CDH13: variants seen among roughly 807,000 people sequenced by gnomAD.
The protein encoded by CDH13 is cadherin 13.
CDH13 carries 24 observed loss-of-function variants against 63.8 expected under a neutral mutation model. The ratio of observed to expected loss-of-function variants is 0.38; its 90% confidence interval spans 0.27 to 0.53. CDH13 has a LOEUF of 0.53. Ranked by LOEUF, CDH13 falls within the 20% of genes least tolerant of loss-of-function variation. CDH13 has a pLI of 0.85. For synonymous variants in CDH13, 503 were observed against 355.3 expected, an observed-to-expected ratio of 1.42 and a Z score of -4.67; for missense variants, 1,049 against 903.1, an observed-to-expected ratio of 1.16 and a Z score of -2.07.
intron 1 of CDH13, among the ~76,000 whole-genome samples, chr16:82,709,984 C>T (rs2031784947): frequency 6.6e-6 from 1 of 151,868 alleles, no homozygotes; most frequent in African/African-American, 2.4e-5. Context: ...GTCAGACCAT[C>T]TTCTGGGCTT....
intron 3 of CDH13, among the ~76,000 whole-genome samples, chr16:83,056,920 C>G (rs147629464): frequency 6.6e-6 from 1 of 152,196 alleles, no homozygotes; most frequent in East Asian, 1.9e-4. Flanking sequence ...GAGTCCTCCC[C>G]GGCTATGTGG....
intron 6 of CDH13, among the ~76,000 whole-genome samples, chr16:83,427,314 A>G (rs2071942011): frequency 6.6e-6 from 1 of 152,144 alleles, no homozygotes; most frequent in Non-Finnish European, 1.5e-5. Flanking sequence ...TAGACCCAAT[A>G]GAATCAGAAG....
intron 5 of CDH13, among the ~76,000 whole-genome samples, chr16:83,344,116 C>G (rs1429430711): frequency 1.3e-5 from 2 of 152,214 alleles, no homozygotes; most frequent in Non-Finnish European, 2.9e-5. Context: ...AAGTATTACT[C>G]TTATCGCTGA....
At chr16:83,313,946 G>A (rs940368952) in intron 5 of CDH13, among the ~76,000 whole-genome samples, 22 of 152,118 alleles carry the variant, frequency 1.4e-4, no homozygotes, top group African/African-American at 5.1e-4. Flanking sequence ...ATGTTTTTCA[G>A]TTCATTTGTC....
intron 2 of CDH13, among the ~76,000 whole-genome samples, chr16:82,913,059 T>C (rs757038205): frequency 5.3e-5 from 8 of 152,166 alleles, no homozygotes; most frequent in Non-Finnish European, 8.8e-5. Context: ...GGGAATGGGA[T>C]TGGGAATCTC....
intron 2 of CDH13, among the ~76,000 whole-genome samples, chr16:82,900,827 C>G (rs9646331): frequency 0.14 from 21,316 of 152,184 alleles, 1,634 homozygotes; most frequent in African/African-American, 0.19. Flanking sequence ...GGGTAAATGC[C>G]AAGAAATTCT....
chr16:83,215,838 C>G (rs1305027545), intron 4 of CDH13, among the ~76,000 whole-genome samples: 1 of 152,036 alleles, frequency 6.6e-6, no homozygotes, highest in Admixed American at 6.6e-5. Context: ...GTGTTCATGA[C>G]CTTTCAATTG....
At chr16:83,304,950 A>C (rs1323114872) in intron 5 of CDH13, among the ~76,000 whole-genome samples, 1 of 152,148 alleles carries the variant, frequency 6.6e-6, no homozygotes, top group Non-Finnish European at 1.5e-5. Context: ...CCCACTTTTC[A>C]TATTTTACAA....
intron 2 of CDH13, among the ~76,000 whole-genome samples, chr16:82,937,336 C>T (rs564334476): frequency 2.5e-4 from 38 of 152,014 alleles, no homozygotes; most frequent in Admixed American, 1.2e-3. Context: ...GGAGGTTGGG[C>T]GAGGCAATCT....
chr16:83,040,422 G>T (rs1424245223), intron 3 of CDH13, among the ~76,000 whole-genome samples: 1 of 152,174 alleles, frequency 6.6e-6, no homozygotes, highest in African/African-American at 2.4e-5. Context: ...GGAAGGTGAT[G>T]GTGCAGCCTT....
intron 3 of CDH13, among the ~76,000 whole-genome samples, chr16:83,122,936 C>T (rs779568758): frequency 1.3e-5 from 2 of 152,110 alleles, no homozygotes; most frequent in Non-Finnish European, 2.9e-5. Flanking sequence ...TCCCACCCTC[C>T]CACTTTCCGA....
chr16:82,874,313 T>A (rs1258642808), intron 2 of CDH13, among the ~76,000 whole-genome samples: 1 of 152,168 alleles, frequency 6.6e-6, no homozygotes, highest in Non-Finnish European at 1.5e-5. Context: ...TTGCAAACCT[T>A]AGTCGTGCTA....
chr16:82,839,986 T>C (rs1026076572), intron 1 of CDH13, among the ~76,000 whole-genome samples: 2 of 152,184 alleles, frequency 1.3e-5, no homozygotes, highest in Admixed American at 6.5e-5. Context: ...TTTCAAGTAA[T>C]TGAACTTCTG....
Position 83,515,558 on chromosome 16 carries a change from A to C in CDH13, c.960+28903A>C, listed in dbSNP as rs76752386. On this transcript the variant is annotated intron_variant, in intron 7 of 13. Coordinates refer to ENST00000567109, the MANE Select transcript of CDH13 (RefSeq NM_001257.5). ...TAGAAAAAGATACTGGTTTAGATTC[A>C]CTGGGGTGATTGACTAGAAAATTGC... is the stretch of plus-strand genomic sequence containing the variant. Among the ~76,000 whole-genome samples, 462 of 152,310 alleles carry C rather than the reference A, an allele frequency of 3.0e-3. 1 individual carries two copies. The highest frequency in any genetic ancestry group is 0.011 in the African/African-American group (448 of 41,576).
chr16:83,163,048 C>T (rs1292698677), intron 4 of CDH13, among the ~76,000 whole-genome samples: 3 of 152,052 alleles, frequency 2.0e-5, no homozygotes, highest in Non-Finnish European at 4.4e-5. Flanking sequence ...CTTTCCCATG[C>T]TGTTCTTGTG....
intron 4 of CDH13, among the ~76,000 whole-genome samples, chr16:83,145,265 G>T (rs1462052515): frequency 6.6e-6 from 1 of 152,150 alleles, no homozygotes; most frequent in African/African-American, 2.4e-5. Flanking sequence ...CAACTCCCCT[G>T]TTGGCTGCTG....
At chr16:83,029,721 A>G (rs1916131582) in intron 2 of CDH13, among the ~76,000 whole-genome samples, 2 of 152,182 alleles carry the variant, frequency 1.3e-5, no homozygotes. Flanking sequence ...GGAAGAGGTT[A>G]GGAATTTTAC....
At chr16:82,904,096 T>C (rs2151249612) in intron 2 of CDH13, among the ~76,000 whole-genome samples, 1 of 152,310 alleles carries the variant, frequency 6.6e-6, no homozygotes. Flanking sequence ...ATTATGATAT[T>C]TTGAATGGTA....
chr16:83,266,781 C>G (rs1907674182), intron 5 of CDH13, among the ~76,000 whole-genome samples: 1 of 152,142 alleles, frequency 6.6e-6, no homozygotes, highest in African/African-American at 2.4e-5. Context: ...ATGAAGTACA[C>G]TTTTCTTCTG....
Sources: allele counts gnomAD v4.1 joint callset (sites outside exome capture counted in the v4.1 genomes callset), GRCh38; gene constraint gnomAD v4.1.1; transcripts MANE v1.5; gene names NCBI Gene and HGNC (gene_info 2026-07-23, HGNC 2026-07-21).